The following TMEM161B variants were observed in gnomAD, a reference collection of about 807,000 sequenced individuals.
The protein encoded by TMEM161B is transmembrane protein 161B.
In TMEM161B, 34 loss-of-function variants were observed where a neutral mutation model predicts 61.8. That is an observed-to-expected ratio of 0.55 (90% confidence interval 0.42 to 0.73). TMEM161B has a LOEUF of 0.73. Ranked by LOEUF, TMEM161B falls within the 30% of genes least tolerant of loss-of-function variation. TMEM161B has a pLI of 0.00. For missense variants in TMEM161B, 456 were observed against 558.5 expected, an observed-to-expected ratio of 0.82 and a Z score of 1.85; for synonymous variants, 167 against 192.8, an observed-to-expected ratio of 0.87 and a Z score of 1.11.
rs750977087 is a variant in TMEM161B at position 88,220,679 on chromosome 5, G to A, written c.330C>T (p.Phe110=). The A allele has an allele frequency of 7.6e-7, 1 of 1,316,038 alleles. No homozygotes were observed. The highest frequency in any genetic ancestry group is 1.8e-5 in the African/African-American group (1 of 54,496). 81.5% of individuals were successfully genotyped at this position (1,316,038 alleles called of 1,614,324 possible). ...YFPEYQWLVD[F]TVAATVVYLV... ...GATACACAACTGTAGCAGCCACTGT[G>A]AAATCCACCAGCCACTGGTATTCTG... Residue 110 remains phenylalanine (F), a synonymous_variant, in exon 5 of 12, where the codon TTC becomes TTT. Transcript: ENST00000296595.
intron 1 of TMEM161B, among the ~76,000 whole-genome samples, chr5:88,250,349 A>G (rs1284945988): frequency 3.3e-5 from 5 of 152,120 alleles, no homozygotes; most frequent in Non-Finnish European, 5.9e-5. Flanking sequence ...ACGTGTTACA[A>G]AAGAAAAATC....
chr5:88,230,353 T>C (rs1198302946), intron 2 of TMEM161B, among the ~76,000 whole-genome samples: 4 of 152,172 alleles, frequency 2.6e-5, no homozygotes, highest in African/African-American at 9.7e-5. Flanking sequence ...AAATGTACGC[T>C]GGGGGAAGTA....
intron 2 of TMEM161B, among the ~76,000 whole-genome samples, chr5:88,237,970 G>A (rs927955322): frequency 1.3e-5 from 2 of 152,020 alleles, no homozygotes; most frequent in African/African-American, 4.8e-5. Flanking sequence ...GGGAAACTGG[G>A]GGTAGGTGGG....
At chr5:88,244,489 C>T (rs1215894477) in intron 1 of TMEM161B, among the ~76,000 whole-genome samples, 2 of 151,226 alleles carry the variant, frequency 1.3e-5, no homozygotes, top group Middle Eastern at 3.4e-3. Context: ...CTCCATAGGC[C>T]TATGTGTCTA....
At chr5:88,260,684 C>A (rs1442167008) in intron 1 of TMEM161B, among the ~76,000 whole-genome samples, 2 of 152,182 alleles carry the variant, frequency 1.3e-5, no homozygotes, top group African/African-American at 2.4e-5. Context: ...AACTCCTGGC[C>A]TCAAGTGACC....
chr5:88,203,645 TG>T (rs1474419143), intron 8 of TMEM161B, among the ~76,000 whole-genome samples: 1 of 151,014 alleles, frequency 6.6e-6, no homozygotes, highest in Non-Finnish European at 1.5e-5. Flanking sequence ...TAACGTGTAA[TG>T]ATCATTTATA....
intron 10 of TMEM161B, 90 bp from the exon 11 acceptor site, chr5:88,197,855 A>G: frequency 9.6e-7 from 1 of 1,040,080 alleles, no homozygotes; most frequent in African/African-American, 1.6e-5. Flanking sequence ...CAAAATACTT[A>G]AGAGATAATC....
intron 2 of TMEM161B, among the ~76,000 whole-genome samples, chr5:88,234,560 A>G (rs139336664): frequency 0.01 from 1,533 of 152,258 alleles, 14 homozygotes; most frequent in Non-Finnish European, 0.017. Context: ...CTCAATTTCC[A>G]GTCTTTTCCT....
At chr5:88,268,071 T>C (rs1339554230) in intron 1 of TMEM161B, among the ~76,000 whole-genome samples, 1 of 152,176 alleles carries the variant, frequency 6.6e-6, no homozygotes, top group Non-Finnish European at 1.5e-5. Context: ...AGACAAACCC[T>C]TTCTGCCTAA....
At chr5:88,227,093 G>T (rs974904902) in intron 3 of TMEM161B, among the ~76,000 whole-genome samples, 1 of 152,154 alleles carries the variant, frequency 6.6e-6, no homozygotes, top group South Asian at 2.1e-4. Flanking sequence ...TGAGGCTGAG[G>T]TGGGAAGATC....
intron 2 of TMEM161B, among the ~76,000 whole-genome samples, chr5:88,234,077 A>AG (rs1243672650): frequency 6.6e-6 from 1 of 152,180 alleles, no homozygotes; most frequent in Non-Finnish European, 1.5e-5. Flanking sequence ...TTGTTTTTTA[A>AG]GGGGGAGAGA....
Position 88,203,750 on chromosome 5 carries a change from CATATATATATATATATATAT to C in TMEM161B, c.801-695_801-676del, listed in dbSNP as rs35091076. On this transcript the variant is annotated intron_variant, in intron 8 of 11. Coordinates refer to ENST00000296595, the MANE Select transcript of TMEM161B (RefSeq NM_153354.5). The stretch of plus-strand genomic sequence containing the variant: ...AACACACTTGAAATAATTTCCCTAT[CATATATATATATATATATAT>C]ATATATATATATATATATATATATA... Among the ~76,000 whole-genome samples, 237 of 93,692 alleles carry C rather than the reference CATATATATATATATATATAT, an allele frequency of 2.5e-3. 1 individual carries two copies. Among genetic ancestry groups the C allele is most frequent in the Admixed American group, 7.8e-3 (75 of 9,592 alleles). The allele number at this position is 93,692 out of a possible 152,430, so 61.5% of individuals were successfully genotyped here. A position where few individuals can be genotyped will look rare whatever the true frequency, so the allele number is the denominator to read the frequency against.
In TMEM161B at chr5:88,221,692, C is replaced by T. The variant is rs377222387; in HGVS notation, c.290-973G>A. 7.0e-5 allele frequency: 32 copies of T among 455,792 alleles called. No individual in the cohort carries two copies. The East Asian group carries it at 2.0e-3, about 29-fold the overall frequency. The allele number at this position is 455,792 out of a possible 1,614,324, so 28.2% of individuals were successfully genotyped here. A position where few individuals can be genotyped will look rare whatever the true frequency, so the allele number is the denominator to read the frequency against. On this transcript the variant is annotated intron_variant, in intron 4 of 11. Transcript: ENST00000296595. ...CCATCACCCTTTGCATCTCAGGTGGCATAGGTATTCTGGTTTACTTCTACC... is the reference window on the plus strand; with the variant it reads ...CCATCACCCTTTGCATCTCAGGTGGTATAGGTATTCTGGTTTACTTCTACC...
intron 1 of TMEM161B, among the ~76,000 whole-genome samples, chr5:88,249,328 T>G (rs765468668): frequency 6.6e-5 from 10 of 152,150 alleles, no homozygotes; most frequent in Non-Finnish European, 1.5e-4. Flanking sequence ...TGAGCTTCAG[T>G]GCTGGGCAGT....
chr5:88,258,963 A>C (rs1755341899), intron 1 of TMEM161B, among the ~76,000 whole-genome samples: 1 of 152,222 alleles, frequency 6.6e-6, no homozygotes, highest in African/African-American at 2.4e-5. Context: ...ATAGCCTTAC[A>C]GTATCAAGTA....
At position 88,253,259 on chromosome 5, in the gene TMEM161B, G is replaced by A. The variant is rs188999759; in HGVS notation, c.4-12343C>T. On this transcript the variant is annotated intron_variant, in intron 1 of 11. Transcript: ENST00000296595. ...GAATACTTAACTTATTTCTTTCATC[G>A]TATGTGGATTTTATCAAACACTTTA... is the stretch of plus-strand genomic sequence containing the variant. 2.5e-4 allele frequency among the ~76,000 whole-genome samples: 38 copies of A among 152,092 alleles called. No individual in the cohort carries two copies. The East Asian group carries it at 5.2e-3, about 21-fold the overall frequency.
chr5:88,243,484 T>A (rs1386087717), intron 1 of TMEM161B, among the ~76,000 whole-genome samples: 1 of 151,936 alleles, frequency 6.6e-6, no homozygotes. Context: ...ATTTTCTTTA[T>A]CCAGTCTACC....
At chr5:88,225,070 T>G (rs373402437) in intron 4 of TMEM161B, among the ~76,000 whole-genome samples, 1 of 148,754 alleles carries the variant, frequency 6.7e-6, no homozygotes, top group African/African-American at 2.5e-5. Context: ...CGGGTTCACG[T>G]CATTCTCCTG....
At chr5:88,246,844 T>C (rs936721282) in intron 1 of TMEM161B, among the ~76,000 whole-genome samples, 1 of 152,036 alleles carries the variant, frequency 6.6e-6, no homozygotes, top group Non-Finnish European at 1.5e-5. Flanking sequence ...AAGTCTATCA[T>C]GGCTGAGGTC....
Sources: gnomAD v4.1 joint callset for allele counts (sites outside exome capture counted in the v4.1 genomes callset) on GRCh38, gnomAD v4.1.1 for gene constraint, MANE v1.5 for transcripts, NCBI Gene and HGNC (gene_info 2026-07-23, HGNC 2026-07-21) for gene names.